Variants in RANBP17 observed in about 807,000 individuals in gnomAD.
The protein encoded by RANBP17 is RAN binding protein 17.
In RANBP17, 158 loss-of-function variants were observed where a neutral mutation model predicts 141.2. That is an observed-to-expected ratio of 1.12 (90% CI 0.98 to 1.28). The LOEUF is 1.28. Among genes scored for constraint, RANBP17 ranks in the 50% most tolerant of loss-of-function variants. RANBP17 has a pLI of 0.00. For missense variants in RANBP17, 1,438 were observed against 1,290.7 expected (o/e 1.11, Z -1.75); for synonymous variants, 430 against 450.0 (o/e 0.96, Z 0.56).
intron 25 of RANBP17, among the ~76,000 whole-genome samples, chr5:171,289,785 C>T (rs569947379): frequency 2.6e-5 from 4 of 151,532 alleles, no homozygotes; most frequent in Non-Finnish European, 5.9e-5. Flanking sequence ...ATCCCAGCAC[C>T]TCGGGAGGCC....
At chr5:171,221,605 G>A (rs577778617) in intron 21 of RANBP17, among the ~76,000 whole-genome samples, 153 bp from the exon 22 acceptor site, 4 of 152,250 alleles carry the variant, frequency 2.6e-5, no homozygotes, top group South Asian at 2.1e-4. Context: ...ATTAGCATAC[G>A]TATTTTATCA....
chr5:170,953,330 A>G (rs1300509449), intron 12 of RANBP17, among the ~76,000 whole-genome samples: 1 of 152,134 alleles, frequency 6.6e-6, no homozygotes, highest in Non-Finnish European at 1.5e-5. Flanking sequence ...ACTTAAAGAG[A>G]TAAGTAACTT....
At chr5:171,129,425 TC>T (rs1186683968) in intron 14 of RANBP17, among the ~76,000 whole-genome samples, 7 of 152,184 alleles carry the variant, frequency 4.6e-5, no homozygotes, top group African/African-American at 2.4e-5. Flanking sequence ...GGCTTCCTCT[TC>T]CTTCTGCTCA....
intron 14 of RANBP17, among the ~76,000 whole-genome samples, chr5:171,016,275 C>T (rs898534620): frequency 4.7e-5 from 7 of 150,010 alleles, no homozygotes; most frequent in Non-Finnish European, 1.0e-4. Flanking sequence ...GCAAGAGGGT[C>T]AATACTCCCT....
chr5:171,033,946 A>G (rs991096803), intron 14 of RANBP17, among the ~76,000 whole-genome samples: 1 of 152,080 alleles, frequency 6.6e-6, no homozygotes, highest in Non-Finnish European at 1.5e-5. Context: ...GTCTCTGCTA[A>G]AAATAAAAAT....
At chr5:171,130,118 A>C (rs903610992) in intron 14 of RANBP17, among the ~76,000 whole-genome samples, 6 of 152,198 alleles carry the variant, frequency 3.9e-5, no homozygotes, top group African/African-American at 1.2e-4. Flanking sequence ...GCATGGAAGA[A>C]CTATATCATT....
At chr5:171,164,559 T>A (rs1424913290) in intron 14 of RANBP17, among the ~76,000 whole-genome samples, 2 of 152,222 alleles carry the variant, frequency 1.3e-5, no homozygotes, top group Non-Finnish European at 2.9e-5. Context: ...CATTATGTAC[T>A]ATCCAAATGC....
rs1418067537 is a variant in RANBP17 at position 171,240,981 on chromosome 5, A to G, written c.2476A>G (p.Lys826Glu). 6.2e-7 allele frequency: 1 copy of G among 1,613,886 alleles called. No individual in the cohort carries two copies. Among genetic ancestry groups the G allele is most frequent in the Non-Finnish European group, 8.5e-7 (1 of 1,179,912 alleles). ...CTCAAAAGATCAGATTTATCCAATG[A>G]AACTCAAGGGCATCTCCATCTGCTA... The part of the protein sequence containing the change: ...SLSKDQIYPM[K>E]LKGISICYSA... Residue 826 changes from lysine (K) to glutamate (E), a missense_variant, in exon 23 of 28, where the codon AAA (lysine) becomes GAA (glutamate). Coordinates refer to ENST00000523189, the MANE Select transcript of RANBP17 (RefSeq NM_022897.5).
intron 13 of RANBP17, among the ~76,000 whole-genome samples, chr5:170,960,274 T>A (rs1776036518): frequency 6.6e-6 from 1 of 152,230 alleles, no homozygotes; most frequent in Non-Finnish European, 1.5e-5. Flanking sequence ...TTGTTGTTTT[T>A]AACCTCAACT....
chr5:170,944,264 G>A (rs1774570411), intron 12 of RANBP17, among the ~76,000 whole-genome samples: 1 of 152,148 alleles, frequency 6.6e-6, no homozygotes, highest in Non-Finnish European at 1.5e-5. Flanking sequence ...GTATTTGACA[G>A]CTTAATAAGA....
chr5:170,988,570 T>A (rs1778307009), intron 14 of RANBP17, among the ~76,000 whole-genome samples: 1 of 151,712 alleles, frequency 6.6e-6, no homozygotes, highest in Non-Finnish European at 1.5e-5. Flanking sequence ...TAATTTTTTT[T>A]AATAGTCATT....
At chr5:171,198,358 G>A (rs2127951582) in intron 18 of RANBP17, among the ~76,000 whole-genome samples, 1 of 152,292 alleles carries the variant, frequency 6.6e-6, no homozygotes, top group African/African-American at 2.4e-5. Flanking sequence ...TTGTAACAAA[G>A]CTAAGTCCCC....
At chr5:171,241,226 A>T in intron 23 of RANBP17, 84 bp downstream of exon 23, 1 of 1,009,518 alleles carries the variant, frequency 9.9e-7, no homozygotes, top group East Asian at 2.4e-5. Context: ...AATGAAGCCC[A>T]GGGAGTTAGC....
intron 14 of RANBP17, among the ~76,000 whole-genome samples, chr5:171,076,358 C>G (rs532591450): frequency 1.1e-4 from 16 of 152,258 alleles, no homozygotes; most frequent in Non-Finnish European, 1.8e-4. Context: ...TATCCTGAAG[C>G]GCTAAATTTC....
chr5:170,903,296 G>A (rs190484944), intron 5 of RANBP17, among the ~76,000 whole-genome samples: 103 of 151,456 alleles, frequency 6.8e-4, no homozygotes, highest in African/African-American at 2.4e-3. Flanking sequence ...GGGCAAAACC[G>A]CCTACTCAAG....
Position 170,864,798 on chromosome 5 carries a change from T to C in RANBP17, c.18+2747T>C, listed in dbSNP as rs182966766. On this transcript the variant is annotated intron_variant, in intron 1 of 27. Coordinates refer to ENST00000523189, the MANE Select transcript of RANBP17 (RefSeq NM_022897.5). ...CAAGCTACCTGATTTGATCTAGATG[T>C]GATTGAGAACTATTATTTTTAAATG... is the stretch of plus-strand genomic sequence containing the variant. 1.4e-4 allele frequency among the ~76,000 whole-genome samples: 21 copies of C among 152,302 alleles called. No homozygotes were observed. In the East Asian group the frequency reaches 4.1e-3, roughly 29 times the overall value.
chr5:171,087,323 G>C (rs1400680905), intron 14 of RANBP17, among the ~76,000 whole-genome samples: 1 of 151,970 alleles, frequency 6.6e-6, no homozygotes, highest in African/African-American at 2.4e-5. Context: ...ACTGTGGTCT[G>C]AGAGATAGTT....
intron 1 of RANBP17, among the ~76,000 whole-genome samples, chr5:170,872,661 C>G (rs910626714): frequency 6.6e-6 from 1 of 152,038 alleles, no homozygotes; most frequent in African/African-American, 2.4e-5. Flanking sequence ...ATAAATAGCT[C>G]TTATTATTTT....
rs116574795 is a variant in RANBP17, at chr5:170,948,249, A to T, written c.1469-5348A>T. 3.9e-3 allele frequency among the ~76,000 whole-genome samples: 600 copies of T among 152,324 alleles called. 7 individuals are homozygous for T. The highest frequency in any genetic ancestry group is 0.014 in the African/African-American group (575 of 41,572). On this transcript the variant is annotated intron_variant, in intron 12 of 27. Coordinates refer to ENST00000523189, the MANE Select transcript of RANBP17 (RefSeq NM_022897.5). ...GGAGCTAAATGTAAGTGCAAGGCAGAGATGATAATGATTGACCATATAATT... is the reference window on the plus strand; with the variant it reads ...GGAGCTAAATGTAAGTGCAAGGCAGTGATGATAATGATTGACCATATAATT...
Sources: gnomAD v4.1 joint callset for allele counts (sites outside exome capture counted in the v4.1 genomes callset) on GRCh38, gnomAD v4.1.1 for gene constraint, MANE v1.5 for transcripts, NCBI Gene and HGNC (gene_info 2026-07-23, HGNC 2026-07-21) for gene names.